CNGA1: variants seen among roughly 807,000 people sequenced by gnomAD.
CNGA1 encodes the protein cyclic nucleotide-gated channel alpha-1.
In CNGA1, 53 loss-of-function variants were observed where a neutral mutation model predicts 69.7. That is an observed-to-expected ratio of 0.76 (90% CI 0.61 to 0.96). CNGA1 has a LOEUF of 0.96. Ranked by LOEUF, CNGA1 falls within the 40% of genes least tolerant of loss-of-function variation. The pLI, the probability that CNGA1 is intolerant of heterozygous loss-of-function variation, is 0.00. For missense variants in CNGA1, 739 were observed against 811.2 expected (o/e 0.91, Z 1.08); for synonymous variants, 249 against 283.5 (o/e 0.88, Z 1.22).
At position 48,001,587 on chromosome 4, in the gene CNGA1, A is replaced by G. The variant is rs1012434538; in HGVS notation, c.-123+9207T>C. Among the ~76,000 whole-genome samples, 14 of 152,374 alleles carry G rather than the reference A, an allele frequency of 9.2e-5. 1 individual carries two copies. The highest frequency in any genetic ancestry group is 3.1e-4 in the African/African-American group (13 of 41,600). Reference sequence around the variant, plus strand: ...TTAATAATGATAAAATTGTCTATTAATTAAGGAGACATAATAATCCTACTT... The same window carrying G: ...TTAATAATGATAAAATTGTCTATTAGTTAAGGAGACATAATAATCCTACTT... On this transcript the variant is annotated intron_variant, in intron 2 of 10. Coordinates refer to ENST00000514170, the MANE Select transcript of CNGA1 (RefSeq NM_001379270.1).
At position 47,955,172 on chromosome 4, in the gene CNGA1, TC is replaced by T. The variant is rs1232634309; in HGVS notation, c.-14-2470del. ...CTTTTTCTCTGTCTCTTTTTTCTTT[TC>T]TTTTTTTTTTTTTTTTTTTTTTTTT... On this transcript the variant is annotated intron_variant, in intron 3 of 10. Transcript: ENST00000514170. 6.1e-5 allele frequency among the ~76,000 whole-genome samples: 7 copies of T among 114,392 alleles called. No individual in the cohort carries two copies. In the South Asian group the frequency reaches 9.0e-4, roughly 15 times the overall value. 75.0% of individuals were successfully genotyped at this position (114,392 alleles called of 152,430 possible).
chr4:47,943,581 G>A (rs1739224238), intron 6 of CNGA1, among the ~76,000 whole-genome samples, 169 bp from the exon 7 acceptor site: 1 of 151,944 alleles, frequency 6.6e-6, no homozygotes, highest in Non-Finnish European at 1.5e-5. Flanking sequence ...GGGGGGTGGG[G>A]CAGACAATTA....
At chr4:47,960,908 G>T (rs1740400670) in intron 3 of CNGA1, among the ~76,000 whole-genome samples, 1 of 152,140 alleles carries the variant, frequency 6.6e-6, no homozygotes, top group Non-Finnish European at 1.5e-5. Flanking sequence ...TAAGGGGGGT[G>T]AAATTTACTG....
At chr4:47,992,060 G>T (rs1560309365) in intron 2 of CNGA1, among the ~76,000 whole-genome samples, 2 of 152,038 alleles carry the variant, frequency 1.3e-5, no homozygotes, top group South Asian at 2.1e-4. Context: ...TGCTGTTTTG[G>T]TGACTATGGC....
intron 2 of CNGA1, among the ~76,000 whole-genome samples, chr4:48,003,932 C>T (rs1011154189): frequency 1.3e-5 from 2 of 150,742 alleles, no homozygotes; most frequent in Non-Finnish European, 3.0e-5. Flanking sequence ...AGACTCTATC[C>T]TCCACCTCTT....
intron 1 of CNGA1, among the ~76,000 whole-genome samples, chr4:48,012,088 G>A (rs1715191213): frequency 6.6e-6 from 1 of 152,092 alleles, no homozygotes; most frequent in African/African-American, 2.4e-5. Context: ...ATGTTTTAGG[G>A]TAAAATAATT....
chr4:47,969,974 G>T (rs558877414), intron 3 of CNGA1, among the ~76,000 whole-genome samples: 98 of 152,248 alleles, frequency 6.4e-4, no homozygotes, highest in Non-Finnish European at 1.0e-3. Context: ...AGACAAAAAG[G>T]ATATGTAATA....
chr4:48,016,494 C>T lies in CNGA1; in HGVS notation c.-234G>A, dbSNP rs73244470. On this transcript the variant is annotated 5_prime_UTR_variant, in exon 1 of 11. Transcript: ENST00000514170. Reference sequence around the variant, plus strand: ...ATTCCCGGAGTTACCTTGGCGGGCTCCACGCTCCGAGAGACGCTGTTGCTC... The same window carrying T: ...ATTCCCGGAGTTACCTTGGCGGGCTTCACGCTCCGAGAGACGCTGTTGCTC... 0.023 allele frequency: 8,078 copies of T among 352,550 alleles called. 121 individuals carry two copies. Among genetic ancestry groups the T allele is most frequent in the Non-Finnish European group, 0.028 (5,539 of 195,440 alleles). The allele number at this position is 352,550 out of a possible 1,614,324, so 21.8% of individuals were successfully genotyped here. A position where few individuals can be genotyped will look rare whatever the true frequency, so the allele number is the denominator to read the frequency against.
intron 4 of CNGA1, among the ~76,000 whole-genome samples, chr4:47,952,375 A>AT (rs892222690): frequency 5.6e-5 from 8 of 143,028 alleles, no homozygotes; most frequent in Non-Finnish European, 1.2e-4. Context: ...CTCAAAATAA[A>AT]TAAATAAATA....
intron 6 of CNGA1, 39 bp from the exon 7 acceptor site, chr4:47,943,451 T>A (rs1263988058): frequency 8.5e-7 from 1 of 1,182,820 alleles, no homozygotes; most frequent in African/African-American, 1.6e-5. Context: ...ATAATCACAG[T>A]CTTCCACTCT....
At chr4:47,940,037 T>C (rs368870995) in intron 10 of CNGA1, among the ~76,000 whole-genome samples, 1 of 152,206 alleles carries the variant, frequency 6.6e-6, no homozygotes, top group East Asian at 1.9e-4. Context: ...TTCCCTCCTA[T>C]GCTGTTACCA....
At chr4:48,009,792 G>A (rs776611713) in intron 2 of CNGA1, among the ~76,000 whole-genome samples, 3 of 152,044 alleles carry the variant, frequency 2.0e-5, no homozygotes, top group Non-Finnish European at 2.9e-5. Flanking sequence ...CGACAGGAGC[G>A]AAGCTCCATC....
chr4:47,959,078 A>G (rs756362204), intron 3 of CNGA1: 1 of 152,324 alleles, frequency 6.6e-6, no homozygotes. Context: ...TATGTGATCA[A>G]TCAACAAAGA....
At chr4:47,978,857 T>C (rs1010066210) in intron 3 of CNGA1, among the ~76,000 whole-genome samples, 2 of 151,438 alleles carry the variant, frequency 1.3e-5, no homozygotes, top group African/African-American at 4.8e-5. Context: ...TTCTGTTTTA[T>C]CAAGACTATA....
intron 1 of CNGA1, among the ~76,000 whole-genome samples, chr4:48,013,558 A>G (rs1369915220): frequency 6.6e-6 from 1 of 152,184 alleles, no homozygotes; most frequent in African/African-American, 2.4e-5. Flanking sequence ...AAATGGTTGC[A>G]TTATTTTGAG....
chr4:47,942,962 TA>T (rs1329289892), intron 8 of CNGA1: 3 of 429,192 alleles, frequency 7.0e-6, no homozygotes, highest in Non-Finnish European at 1.2e-5. Context: ...GAATTAAGAA[TA>T]ATGCTACCAT....
intron 3 of CNGA1, among the ~76,000 whole-genome samples, chr4:47,968,597 C>G (rs905318534): frequency 3.3e-5 from 5 of 152,186 alleles, no homozygotes; most frequent in Non-Finnish European, 7.3e-5. Flanking sequence ...GACACTCCTA[C>G]TGCCCCAAGA....
intron 3 of CNGA1, among the ~76,000 whole-genome samples, chr4:47,973,066 CTT>C (rs3058684): frequency 5.8e-5 from 7 of 120,220 alleles, no homozygotes; most frequent in Admixed American, 9.7e-5. Flanking sequence ...AAAGCACCAT[CTT>C]TTTTTTTTTT....
intron 3 of CNGA1, among the ~76,000 whole-genome samples, chr4:47,980,526 G>A (rs1741647192): frequency 7.0e-6 from 1 of 143,340 alleles, no homozygotes; most frequent in Admixed American, 7.3e-5. Flanking sequence ...TCAGGCTGGA[G>A]TGCAGTGGTG....
Sources: gnomAD v4.1 joint callset for allele counts (sites outside exome capture counted in the v4.1 genomes callset) on GRCh38, gnomAD v4.1.1 for gene constraint, MANE v1.5 for transcripts, NCBI Gene and HGNC (gene_info 2026-07-23, HGNC 2026-07-21) for gene names.